Variants in SLC7A6 observed in about 807,000 individuals in gnomAD.
The protein encoded by SLC7A6 is Y+L amino acid transporter 2.
In SLC7A6, 29 loss-of-function variants were observed where a neutral mutation model predicts 46.6. The observed-to-expected ratio is 0.62, with a 90% CI of 0.46 to 0.85. SLC7A6 has a LOEUF of 0.85. Among genes scored for constraint, SLC7A6 ranks in the 40% least tolerant of loss-of-function variants. SLC7A6 has a pLI of 0.00. For missense variants in SLC7A6, 527 were observed against 647.6 expected (o/e 0.81, Z 2.02); for synonymous variants, 276 against 257.3 (o/e 1.07, Z -0.70).
At chr16:68,282,623 ATT>A (rs111778880) in intron 3 of SLC7A6, among the ~76,000 whole-genome samples, 4 of 137,188 alleles carry the variant, frequency 2.9e-5, no homozygotes, top group Non-Finnish European at 1.6e-5. Flanking sequence ...TTCCTTCCAC[ATT>A]TTTTTTTTTT....
Position 68,297,552 on chromosome 16 carries a change from CG to C in SLC7A6, c.*230del. On this transcript the variant is annotated 3_prime_UTR_variant, in exon 11 of 11. Coordinates refer to ENST00000219343, the MANE Select transcript of SLC7A6 (RefSeq NM_003983.6). ...AGAGGGTGGGGGGAAGATTGGGGAA[CG>C]GGGGGAATGGTCATTTAGTTTTACT... The C allele has an allele frequency of 2.8e-6, 1 of 351,794 alleles. No homozygotes were observed. Among genetic ancestry groups the C allele is most frequent in the Non-Finnish European group, 5.1e-6 (1 of 197,658 alleles). The allele number at this position is 351,794 out of a possible 1,614,324, so 21.8% of individuals were successfully genotyped here.
rs778172692 is a variant in SLC7A6, at chr16:68,299,691, C to G, written c.*2363C>G. 4 of 152,082 alleles carry G rather than the reference C, an allele frequency of 2.6e-5. No individual in the cohort carries two copies. The highest frequency in any genetic ancestry group is 5.9e-5 in the Non-Finnish European group (4 of 68,012). The allele number at this position is 152,082 out of a possible 1,614,324, so 9.4% of individuals were successfully genotyped here. A position where few individuals can be genotyped will look rare whatever the true frequency, so the allele number is the denominator to read the frequency against. On this transcript the variant is annotated 3_prime_UTR_variant, in exon 11 of 11. Transcript: ENST00000219343. ...AGCACAGTGTTTTGTTTTTTTCACC[C>G]GGTTGCTGTATGAGAATGGCTTTCA...
intron 5 of SLC7A6, chr16:68,290,840 T>TG (rs1480269249): frequency 4.1e-6 from 2 of 487,334 alleles, no homozygotes; most frequent in Non-Finnish European, 7.4e-6. Context: ...ACTCTGGTGC[T>TG]GACACTACAG....
At chr16:68,277,181 G>A (rs1368133109) in intron 3 of SLC7A6, among the ~76,000 whole-genome samples, 24 of 151,128 alleles carry the variant, frequency 1.6e-4, no homozygotes, top group Admixed American at 1.6e-3. Flanking sequence ...CTGCCTCCTG[G>A]GTTCAAATGA....
At chr16:68,278,870 C>T (rs1319034244) in intron 3 of SLC7A6, among the ~76,000 whole-genome samples, 1 of 152,092 alleles carries the variant, frequency 6.6e-6, no homozygotes, top group Non-Finnish European at 1.5e-5. Context: ...GGGCTCCTCA[C>T]TTCCCAGAAG....
intron 1 of SLC7A6, among the ~76,000 whole-genome samples, chr16:68,266,197 T>C (rs1825728192): frequency 6.6e-6 from 1 of 151,670 alleles, no homozygotes; most frequent in African/African-American, 2.4e-5. Context: ...GAGGCGGAGG[T>C]TGCAGTGAGC....
intron 3 of SLC7A6, 69 bp from the exon 4 acceptor site, chr16:68,287,677 T>A: frequency 2.5e-6 from 4 of 1,578,424 alleles, no homozygotes; most frequent in Non-Finnish European, 3.5e-6. Context: ...GAGTGCTCTC[T>A]GTAAAGAGGG....
intron 8 of SLC7A6, 49 bp from the exon 9 acceptor site, chr16:68,296,315 G>T (rs1306415219): frequency 4.4e-6 from 7 of 1,609,084 alleles, no homozygotes; most frequent in Middle Eastern, 1.6e-4. Flanking sequence ...GTCTCCTGGG[G>T]GCGCAGGTGG....
intron 2 of SLC7A6, among the ~76,000 whole-genome samples, chr16:68,270,591 T>A (rs1433995161): frequency 6.6e-6 from 1 of 152,168 alleles, no homozygotes; most frequent in East Asian, 1.9e-4. Flanking sequence ...CACTTGACAT[T>A]TGGTAATTTT....
At chr16:68,266,001 C>T (rs2042525791) in intron 1 of SLC7A6, among the ~76,000 whole-genome samples, 1 of 152,168 alleles carries the variant, frequency 6.6e-6, no homozygotes, top group Non-Finnish European at 1.5e-5. Flanking sequence ...TGGCTCAGTC[C>T]TGTAATCCCA....
chr16:68,279,186 T>G (rs945775808), intron 3 of SLC7A6, among the ~76,000 whole-genome samples: 1 of 149,168 alleles, frequency 6.7e-6, no homozygotes, highest in Non-Finnish European at 1.5e-5. Flanking sequence ...AAAAAAAAAT[T>G]AGGCATGGTG....
chr16:68,276,735 C>T (rs954121664), intron 3 of SLC7A6, among the ~76,000 whole-genome samples: 6 of 152,206 alleles, frequency 3.9e-5, no homozygotes, highest in Middle Eastern at 3.4e-3. Context: ...TGGTGGCTGA[C>T]GCCTGTAATC....
intron 4 of SLC7A6, among the ~76,000 whole-genome samples, chr16:68,288,967 C>CA (rs753001951): frequency 0.19 from 14,665 of 75,780 alleles, 1,083 homozygotes; most frequent in African/African-American, 0.24. Flanking sequence ...GATTCCATCT[C>CA]AAAAAAAAAA....
At chr16:68,268,669 T>C (rs1442881246) in intron 2 of SLC7A6, among the ~76,000 whole-genome samples, 3 of 152,250 alleles carry the variant, frequency 2.0e-5, no homozygotes, top group African/African-American at 7.2e-5. Flanking sequence ...TAAATTCCTT[T>C]ATTACCTGCT....
chr16:68,289,002 G>T (rs2042993683), intron 4 of SLC7A6, among the ~76,000 whole-genome samples: 1 of 151,586 alleles, frequency 6.6e-6, no homozygotes, highest in African/African-American at 2.4e-5. Flanking sequence ...GCCCTTGTTG[G>T]GCTGGGCGCG....
In SLC7A6 at chr16:68,274,855, G is replaced by A. The variant is rs1168096976; in HGVS notation, c.129G>A (p.Lys43=). The change falls in exon 3 of 11, where the codon AAG becomes AAA. Residue 43 remains lysine (K), a synonymous_variant. Coordinates refer to ENST00000219343, the MANE Select transcript of SLC7A6 (RefSeq NM_003983.6). ...QRSSETMQLK[K]EISLLNGVSL... ...CCTCCGAAACTATGCAGCTGAAGAAGGAGATCTCCCTGCTGAATGGGGTCA... is the reference window on the plus strand; with the variant it reads ...CCTCCGAAACTATGCAGCTGAAGAAAGAGATCTCCCTGCTGAATGGGGTCA... 1 of 1,614,092 alleles carries A rather than the reference G, an allele frequency of 6.2e-7. No individual in the cohort carries two copies.
chr16:68,295,956 G>A (rs766475543), intron 8 of SLC7A6, among the ~76,000 whole-genome samples: 2 of 152,156 alleles, frequency 1.3e-5, no homozygotes, highest in Non-Finnish European at 2.9e-5. Context: ...CATTTCTCAG[G>A]CCTGAGGACA....
chr16:68,293,116 G>A (rs1233087055), intron 7 of SLC7A6, among the ~76,000 whole-genome samples: 1 of 152,158 alleles, frequency 6.6e-6, no homozygotes, highest in African/African-American at 2.4e-5. Flanking sequence ...TCAAGGCCTT[G>A]TAAAAGAACA....
chr16:68,274,925 C>T lies in SLC7A6; in HGVS notation c.199C>T (p.Pro67Ser), dbSNP rs1197081351. 2 of 1,614,178 alleles carry T rather than the reference C, an allele frequency of 1.2e-6. No homozygotes were observed. The highest frequency in any genetic ancestry group is 1.7e-6 in the Non-Finnish European group (2 of 1,180,032). Reference protein sequence around the residue: ...NMIGSGIFVSPKGVLVHTASY... With the variant: ...NMIGSGIFVSSKGVLVHTASY... ...GATCGGCTCAGGGATCTTTGTCTCA[C>T]CCAAGGGTGTGCTGGTACACACTGC... The change falls in exon 3 of 11, where the codon CCC becomes TCC. Residue 67 changes from proline (P) to serine (S), a missense_variant. Transcript: ENST00000219343.
Sources: allele counts gnomAD v4.1 joint callset (sites outside exome capture counted in the v4.1 genomes callset), GRCh38; gene constraint gnomAD v4.1.1; transcripts MANE v1.5; gene names NCBI Gene and HGNC (gene_info 2026-07-23, HGNC 2026-07-21).